Variants in MDGA2 observed in about 807,000 individuals in gnomAD.
The protein encoded by MDGA2 is MAM domain-containing glycosylphosphatidylinositol anchor protein 2.
A neutral mutation model predicts 117.8 loss-of-function variants in MDGA2; 40 were observed. That is an observed-to-expected ratio of 0.34 (90% CI 0.26 to 0.44). MDGA2 has a LOEUF of 0.44. Ranked by LOEUF, MDGA2 falls within the 20% of genes least tolerant of loss-of-function variation. The probability of loss-of-function intolerance (pLI) is 1.00; values close to 1 mark genes in which losing one functional copy is unlikely to be tolerated. For synonymous variants in MDGA2, 452 were observed against 439.0 expected, an observed-to-expected ratio of 1.03 and a Z score of -0.37; for missense variants, 1,123 against 1,250.6, an observed-to-expected ratio of 0.90 and a Z score of 1.54.
intron 3 of MDGA2, among the ~76,000 whole-genome samples, chr14:47,161,422 T>A (rs1319904469): frequency 1.3e-5 from 2 of 152,042 alleles, no homozygotes; most frequent in African/African-American, 4.8e-5. Flanking sequence ...AAGAAATAAT[T>A]TAACAATCAC....
At chr14:47,147,645 A>G (rs947997046) in intron 3 of MDGA2, among the ~76,000 whole-genome samples, 1 of 152,172 alleles carries the variant, frequency 6.6e-6, no homozygotes, top group African/African-American at 2.4e-5. Context: ...TACTCTCAGC[A>G]GCGGGAGGAA....
chr14:47,473,367 TAATAA>T (rs1247405235), intron 1 of MDGA2, among the ~76,000 whole-genome samples: 6 of 152,124 alleles, frequency 3.9e-5, no homozygotes, highest in Non-Finnish European at 8.8e-5. Flanking sequence ...ATAACAATAC[TAATAA>T]ACAACTTGGA....
chr14:46,893,508 C>T (rs1882960491), intron 10 of MDGA2, among the ~76,000 whole-genome samples: 1 of 151,606 alleles, frequency 6.6e-6, no homozygotes, highest in African/African-American at 2.4e-5. Context: ...GGTACTTGTA[C>T]CACATATACC....
chr14:47,211,312 T>TA (rs1333160382), intron 3 of MDGA2, among the ~76,000 whole-genome samples: 5 of 152,166 alleles, frequency 3.3e-5, no homozygotes, highest in Admixed American at 3.3e-4. Flanking sequence ...GCTAATATGT[T>TA]AGTCTGCCAC....
chr14:47,556,563 T>C (rs1895686330), intron 1 of MDGA2, among the ~76,000 whole-genome samples: 1 of 152,200 alleles, frequency 6.6e-6, no homozygotes, highest in Non-Finnish European at 1.5e-5. Flanking sequence ...GAAACTAGAT[T>C]ATGTAAGTTT....
intron 3 of MDGA2, among the ~76,000 whole-genome samples, chr14:47,180,876 G>A (rs1884674177): frequency 6.6e-6 from 1 of 152,092 alleles, no homozygotes; most frequent in Non-Finnish European, 1.5e-5. Flanking sequence ...AGCTGAGATC[G>A]TGCCACTGCA....
chr14:47,354,550 T>C (rs1194463721), intron 1 of MDGA2, among the ~76,000 whole-genome samples: 2 of 152,332 alleles, frequency 1.3e-5, no homozygotes, highest in African/African-American at 2.4e-5. Context: ...ACTGTGCCTG[T>C]GCTGCCGCTA....
chr14:47,455,077 T>C (rs1203563156), intron 1 of MDGA2, among the ~76,000 whole-genome samples: 10 of 152,198 alleles, frequency 6.6e-5, no homozygotes, highest in African/African-American at 2.4e-4. Context: ...CTTTAAAAAA[T>C]ATGAACATTA....
intron 5 of MDGA2, among the ~76,000 whole-genome samples, chr14:47,115,514 T>C (rs1881279470): frequency 2.0e-5 from 3 of 152,036 alleles, no homozygotes; most frequent in Non-Finnish European, 1.5e-5. Flanking sequence ...AAGTTTTTTT[T>C]TATTTCTATG....
intron 1 of MDGA2, among the ~76,000 whole-genome samples, chr14:47,387,017 T>C (rs1256652230): frequency 6.6e-6 from 1 of 152,138 alleles, no homozygotes; most frequent in Non-Finnish European, 1.5e-5. Context: ...ACATAATGAA[T>C]TTAAAAAAGC....
chr14:46,938,540 C>CAAA lies in MDGA2; in HGVS notation c.2090-18383_2090-18381dup, dbSNP rs71112472. 3.3e-3 allele frequency among the ~76,000 whole-genome samples: 88 copies of CAAA among 26,986 alleles called. 2 individuals are homozygous for CAAA. Among genetic ancestry groups the CAAA allele is most frequent in the African/African-American group, 5.8e-3 (62 of 10,758 alleles). The allele number at this position is 26,986 out of a possible 152,430, so 17.7% of individuals were successfully genotyped here. A position where few individuals can be genotyped will look rare whatever the true frequency, so the allele number is the denominator to read the frequency against. ...GGGCAACAAGAACGAAAATCCATCT[C>CAAA]AAAAAAAAAAAAAAAAAAAAGAGAC... On this transcript the variant is annotated intron_variant, in intron 9 of 16. Coordinates refer to ENST00000399232, the MANE Select transcript of MDGA2 (RefSeq NM_001113498.3).
intron 1 of MDGA2, among the ~76,000 whole-genome samples, chr14:47,372,395 T>C (rs1044618104): frequency 2.0e-5 from 3 of 151,686 alleles, no homozygotes; most frequent in Non-Finnish European, 1.5e-5. Flanking sequence ...ACAAACAAAT[T>C]TGATAGAAAA....
intron 1 of MDGA2, among the ~76,000 whole-genome samples, chr14:47,360,354 A>AAAAT (rs60754618): frequency 0.16 from 22,027 of 139,836 alleles, 1,878 homozygotes; most frequent in South Asian, 0.3. Flanking sequence ...TCCATCTCAA[A>AAAAT]AAATAAATAA....
At chr14:47,478,061 T>C (rs1342999627) in intron 1 of MDGA2, among the ~76,000 whole-genome samples, 2 of 152,230 alleles carry the variant, frequency 1.3e-5, no homozygotes, top group Non-Finnish European at 2.9e-5. Flanking sequence ...ATTTTTGTTC[T>C]TAAAATGGAC....
intron 1 of MDGA2, among the ~76,000 whole-genome samples, chr14:47,340,142 C>A (rs935284648): frequency 1.3e-5 from 2 of 152,046 alleles, no homozygotes; most frequent in African/African-American, 4.8e-5. Flanking sequence ...CTTCCAGAGA[C>A]AATCTTGATA....
chr14:47,546,152 G>T (rs1039081389), intron 1 of MDGA2, among the ~76,000 whole-genome samples: 2 of 152,076 alleles, frequency 1.3e-5, no homozygotes. Flanking sequence ...TACAGATGGG[G>T]AGAAAAATAC....
intron 7 of MDGA2, among the ~76,000 whole-genome samples, chr14:47,055,469 A>T (rs1216176851): frequency 6.6e-6 from 1 of 152,124 alleles, no homozygotes; most frequent in African/African-American, 2.4e-5. Flanking sequence ...AGATTCAATA[A>T]CATTATTCTG....
intron 1 of MDGA2, among the ~76,000 whole-genome samples, chr14:47,388,856 G>A (rs1183292232): frequency 3.9e-5 from 6 of 152,112 alleles, no homozygotes; most frequent in African/African-American, 1.4e-4. Flanking sequence ...AGCATACGAT[G>A]ACACACTCAG....
At chr14:47,123,241 C>G (rs962512339) in intron 5 of MDGA2, among the ~76,000 whole-genome samples, 1 of 151,886 alleles carries the variant, frequency 6.6e-6, no homozygotes, top group Admixed American at 6.6e-5. Flanking sequence ...TAAAGAAATA[C>G]AAAAATTTCA....
Sources: allele counts gnomAD v4.1 joint callset (sites outside exome capture counted in the v4.1 genomes callset), GRCh38; gene constraint gnomAD v4.1.1; transcripts MANE v1.5; gene names NCBI Gene and HGNC (gene_info 2026-07-23, HGNC 2026-07-21).